RAB11FIP1: variants seen among roughly 807,000 people sequenced by gnomAD.
RAB11FIP1 encodes RAB11 family interacting protein 1.
RAB11FIP1 carries 49 observed loss-of-function variants against 83.1 expected under a neutral mutation model. The ratio of observed to expected loss-of-function variants is 0.59; its 90% CI spans 0.47 to 0.75. The LOEUF is 0.75. RAB11FIP1 is among the 30% of genes least tolerant of loss of function. RAB11FIP1 has a pLI of 0.00. For synonymous variants in RAB11FIP1, 670 were observed against 656.0 expected, an observed-to-expected ratio of 1.02 and a Z score of -0.33; for missense variants, 1,536 against 1,598.7, an observed-to-expected ratio of 0.96 and a Z score of 0.67.
rs374789852 is a variant in RAB11FIP1 at position 37,875,032 on chromosome 8, G to C, written c.1105C>G (p.Pro369Ala). 7.4e-6 allele frequency: 12 copies of C among 1,614,034 alleles called. No homozygotes were observed. Among genetic ancestry groups the C allele is most frequent in the African/African-American group, 1.3e-5 (1 of 74,902 alleles). ...GAAGACAGCCCACCTCCTTCAGCAG[G>C]CTCCTTCCAAGACCCAGCCGCCAGG... Reference protein sequence around the residue: ...ENLAAGSWKEPAEGGGLSSDR... With the variant: ...ENLAAGSWKEAAEGGGLSSDR... The change falls in exon 3 of 6, where the codon CCT becomes GCT. Residue 369 changes from proline to alanine, a missense_variant. By Grantham distance (27) the Pro-to-Ala change is conservative. Transcript: ENST00000330843.
intron 1 of RAB11FIP1, among the ~76,000 whole-genome samples, chr8:37,888,180 C>T (rs1806871058): frequency 6.6e-6 from 1 of 152,176 alleles, no homozygotes; most frequent in Non-Finnish European, 1.5e-5. Context: ...AATCACAGCT[C>T]ACTGCAGCCT....
chr8:37,879,204 A>T (rs1806686369), intron 1 of RAB11FIP1, among the ~76,000 whole-genome samples: 1 of 152,128 alleles, frequency 6.6e-6, no homozygotes, highest in African/African-American at 2.4e-5. Flanking sequence ...GCTATGCAGG[A>T]GGTTGAAGCA....
chr8:37,875,945 A>C (rs1293512671), intron 2 of RAB11FIP1, among the ~76,000 whole-genome samples: 2 of 152,218 alleles, frequency 1.3e-5, no homozygotes, highest in Non-Finnish European at 2.9e-5. Flanking sequence ...GTATAATCCC[A>C]GCACTTTGGG....
intron 5 of RAB11FIP1, among the ~76,000 whole-genome samples, chr8:37,866,110 C>A (rs1000892933): frequency 1.3e-5 from 2 of 151,838 alleles, no homozygotes; most frequent in Admixed American, 6.6e-5. Flanking sequence ...CTGAAGTGGG[C>A]GGATCATGAG....
chr8:37,897,040 A>C (rs1041762566), intron 1 of RAB11FIP1, among the ~76,000 whole-genome samples: 13 of 152,166 alleles, frequency 8.5e-5, no homozygotes, highest in African/African-American at 2.9e-4. Context: ...AAGCCAACCC[A>C]CCACCCCCAG....
chr8:37,881,270 A>T (rs955549936), intron 1 of RAB11FIP1, among the ~76,000 whole-genome samples: 6 of 152,232 alleles, frequency 3.9e-5, no homozygotes, highest in Admixed American at 1.3e-4. Context: ...TACAGCTAGG[A>T]TTCCAAATCA....
chr8:37,877,217 A>G lies in RAB11FIP1; in HGVS notation c.706T>C (p.Ser236Pro), dbSNP rs753961442. ...LQKTPLSQSM[S>P]VLPTSKPEKV... is the part of the protein sequence containing the mutation. ...TCTGGCTTTGAAGTCGGCAGGACAG[A>G]CATGGACTGGGAAAGAGGCGTCTTC... is the stretch of plus-strand genomic sequence containing the variant. Residue 236 changes from serine (S) to proline (P), a missense_variant, in exon 2 of 6, where the codon TCT becomes CCT. By Grantham distance (74) the Ser-to-Pro change is moderately conservative. Coordinates refer to ENST00000330843, the MANE Select transcript of RAB11FIP1 (RefSeq NM_001002814.3). 6.2e-7 allele frequency: 1 copy of G among 1,614,146 alleles called. No individual in the cohort carries two copies. Among genetic ancestry groups the G allele is most frequent in the Admixed American group, 1.7e-5 (1 of 60,022 alleles).
rs1317368682 is a variant in RAB11FIP1 at position 37,871,625 on chromosome 8, G to A, written c.3177C>T (p.Ser1059=). 9 of 1,607,110 alleles carry A rather than the reference G, an allele frequency of 5.6e-6. No homozygotes were observed. The highest frequency in any genetic ancestry group is 6.8e-6 in the Non-Finnish European group (8 of 1,174,708). The change falls in exon 4 of 6, where the codon AGC becomes AGT. Residue 1059 remains serine (S), a synonymous_variant. Transcript: ENST00000330843. ...FGIHKPHLGK[S]SSLDKQLPGP... Reference sequence around the variant, plus strand: ...CTGGCAGCTGTTTATCCAAGCTTGAGCTCTTGCCAAGATGTGGTTTGTGAA... The same window carrying A: ...CTGGCAGCTGTTTATCCAAGCTTGAACTCTTGCCAAGATGTGGTTTGTGAA...
chr8:37,878,604 T>C (rs992631278), intron 1 of RAB11FIP1, among the ~76,000 whole-genome samples: 4 of 142,296 alleles, frequency 2.8e-5, no homozygotes, highest in African/African-American at 1.1e-4. Flanking sequence ...GCAAATGATG[T>C]ATAATTAAAT....
chr8:37,877,632 C>A, intron 1 of RAB11FIP1, 81 bp from the exon 2 acceptor site: 1 of 867,442 alleles, frequency 1.2e-6, no homozygotes, highest in South Asian at 1.6e-5. Context: ...ACTGGCCTCT[C>A]CTCTCTGCTA....
Position 37,877,489 on chromosome 8 carries a change from T to C in RAB11FIP1, c.434A>G (p.Asp145Gly). Residue 145 changes from aspartate to glycine, a missense_variant, in exon 2 of 6, where the codon GAC becomes GGC. Coordinates refer to ENST00000330843, the MANE Select transcript of RAB11FIP1 (RefSeq NM_001002814.3). ...KDKERGEIEVDIQFMRNNMTA... is the reference protein window; with the variant it reads ...KDKERGEIEVGIQFMRNNMTA... ...CATGTTGTTTCTCATAAACTGGATGTCAACCTCAATTTCTCCTCGCTCCTT... is the reference window on the plus strand; with the variant it reads ...CATGTTGTTTCTCATAAACTGGATGCCAACCTCAATTTCTCCTCGCTCCTT... The C allele has an allele frequency of 6.2e-7, 1 of 1,613,394 alleles. No homozygotes were observed. Among genetic ancestry groups the C allele is most frequent in the Non-Finnish European group, 8.5e-7 (1 of 1,179,960 alleles).
rs1806558538 is a variant in RAB11FIP1 at position 37,874,539 on chromosome 8, G to A, written c.1598C>T (p.Pro533Leu). 1 of 1,614,158 alleles carries A rather than the reference G, an allele frequency of 6.2e-7. No homozygotes were observed. Among genetic ancestry groups the A allele is most frequent in the Non-Finnish European group, 8.5e-7 (1 of 1,180,006 alleles). ...PRPPISSPRA[P>L]QTRAVKPRLE... ...CCGGGGCTTGACAGCTCTGGTCTGG[G>A]GAGCCCTCGGAGAGGAAATTGGAGG... is the stretch of plus-strand genomic sequence containing the variant. Residue 533 changes from proline to leucine, a missense_variant, in exon 3 of 6, where the codon CCC (proline) becomes CTC (leucine). Coordinates refer to ENST00000330843, the MANE Select transcript of RAB11FIP1 (RefSeq NM_001002814.3).
At position 37,899,271 on chromosome 8, in the gene RAB11FIP1, C is replaced by A. The variant is rs368228648; in HGVS notation, c.171G>T (p.Ser57=). The change falls in exon 1 of 6, where the codon TCG becomes TCT. Residue 57 remains serine, a synonymous_variant. Coordinates refer to ENST00000330843, the MANE Select transcript of RAB11FIP1 (RefSeq NM_001002814.3). This position sits in a 1 kb window ranked among gnomAD's most constrained non-coding sequence, Gnocchi z 4.5. ...VGKEKYATSV[S]ERSLGAPVWR... is the part of the protein sequence containing the mutation. ...ACACGGGCGCGCCCAGGCTGCGCTCCGACACGGAGGTGGCGTACTTCTCCT... is the reference window on the plus strand; with the variant it reads ...ACACGGGCGCGCCCAGGCTGCGCTCAGACACGGAGGTGGCGTACTTCTCCT... 52 of 1,607,216 alleles carry A rather than the reference C, an allele frequency of 3.2e-5. 1 individual carries two copies. The African/African-American group carries it at 6.3e-4, about 19-fold the overall frequency.
intron 1 of RAB11FIP1, among the ~76,000 whole-genome samples, chr8:37,883,066 A>AT (rs2130174128): frequency 6.6e-6 from 1 of 152,356 alleles, no homozygotes; most frequent in Admixed American, 6.5e-5. Flanking sequence ...GCTGAATCAC[A>AT]GGCCAGCAGG....
Position 37,860,864 on chromosome 8 carries a change from T to A in RAB11FIP1, c.*2031A>T, listed in dbSNP as rs956133909. ...CATCCTTCAGATTAAAGTGCTCTGA[T>A]ATAACCAATGCCACAGCAAACGAAA... On this transcript the variant is annotated 3_prime_UTR_variant, in exon 6 of 6. Transcript: ENST00000330843. 3 of 152,688 alleles carry A rather than the reference T, an allele frequency of 2.0e-5. No homozygotes were observed. The highest frequency in any genetic ancestry group is 7.2e-5 in the African/African-American group (3 of 41,474). 9.5% of individuals were successfully genotyped at this position (152,688 alleles called of 1,614,324 possible).
At position 37,862,955 on chromosome 8, in the gene RAB11FIP1, T is replaced by C. The variant is rs1159102792; in HGVS notation, c.3792A>G (p.Glu1264=). 1.2e-6 allele frequency: 2 copies of C among 1,613,892 alleles called. No individual in the cohort carries two copies. Among genetic ancestry groups the C allele is most frequent in the Non-Finnish European group, 1.7e-6 (2 of 1,180,000 alleles). Residue 1264 remains glutamate (E), a synonymous_variant, in exon 6 of 6, where the codon GAA becomes GAG. Transcript: ENST00000330843. ...GGATGCGGAGGATATTGGGGGTTTC[T>C]TCCATGACCCTGACAAGCAGGTTGT... ...YIDNLLVRVM[E]ETPNILRIPT... is the part of the protein sequence containing the mutation.
chr8:37,872,554 T>C lies in RAB11FIP1; in HGVS notation c.2248A>G (p.Arg750Gly), dbSNP rs1806496272. 6.2e-7 allele frequency: 1 copy of C among 1,614,240 alleles called. No homozygotes were observed. Residue 750 changes from arginine to glycine, a missense_variant, in exon 4 of 6, where the codon AGA becomes GGA. Arg to Gly is a moderately radical substitution (Grantham distance 125). Transcript: ENST00000330843. ...GACCCAGCCTGACTCTCCAAGTCTC[T>C]GTCTCCTCCTGCTGCAAGCTCCCCA... The part of the protein sequence containing the change: ...PVGELAAGGD[R>G]DLESQAGSLV...
rs1386529409 is a variant in RAB11FIP1 at position 37,875,212 on chromosome 8, T to C, written c.925A>G (p.Asn309Asp). 2 of 1,614,106 alleles carry C rather than the reference T, an allele frequency of 1.2e-6. No individual in the cohort carries two copies. The highest frequency in any genetic ancestry group is 2.7e-5 in the African/African-American group (2 of 75,018). ...LSFLGGLRSK[N>D]DVLSRSNVCI... ...ACATTAGAGCGGGAAAGGACATCAT[T>C]CTTAGACCGAAGGCCACCAAGAAAG... The change falls in exon 3 of 6, where the codon AAT (asparagine) becomes GAT (aspartate). Residue 309 changes from asparagine to aspartate, a missense_variant. Coordinates refer to ENST00000330843, the MANE Select transcript of RAB11FIP1 (RefSeq NM_001002814.3).
intron 1 of RAB11FIP1, 162 bp from the exon 2 acceptor site, chr8:37,877,713 T>A (rs990894583): frequency 2.7e-6 from 1 of 376,014 alleles, no homozygotes; most frequent in Admixed American, 4.8e-5. Context: ...GCAGAATTTT[T>A]TTTTTTTTTT....
Sources: allele counts gnomAD v4.1 joint callset (sites outside exome capture counted in the v4.1 genomes callset), GRCh38; gene constraint gnomAD v4.1.1; non-coding constraint Gnocchi (gnomAD v3.1); transcripts MANE v1.5; gene names NCBI Gene and HGNC (gene_info 2026-07-23, HGNC 2026-07-21).